The following XYLT1 variants were observed in gnomAD, a reference collection of about 807,000 sequenced individuals.
XYLT1 encodes the protein beta-D-xylosyltransferase 1.
In XYLT1, 36 loss-of-function variants were observed where a neutral mutation model predicts 91.3. The observed-to-expected ratio is 0.39, with a 90% CI of 0.30 to 0.52. The LOEUF (loss-of-function observed/expected upper bound fraction) is 0.52, where lower values mean the gene tolerates loss of function less well. Among genes scored for constraint, XYLT1 ranks in the 20% least tolerant of loss-of-function variants. XYLT1 has a pLI of 0.68. For synonymous variants in XYLT1, 588 were observed against 532.0 expected, an observed-to-expected ratio of 1.11 and a Z score of -1.45; for missense variants, 1,242 against 1,284.5, an observed-to-expected ratio of 0.97 and a Z score of 0.51.
intron 5 of XYLT1, among the ~76,000 whole-genome samples, chr16:17,189,206 G>A (rs749314151): frequency 6.6e-6 from 1 of 152,104 alleles, no homozygotes; most frequent in African/African-American, 2.4e-5. Flanking sequence ...AGGGAAAAAG[G>A]GAAGCTTGGA....
chr16:17,468,381 C>G (rs1387154122), intron 1 of XYLT1, among the ~76,000 whole-genome samples: 1 of 151,646 alleles, frequency 6.6e-6, no homozygotes, highest in Non-Finnish European at 1.5e-5. Flanking sequence ...AAAAAAAATA[C>G]ATAAATGTCC....
intron 1 of XYLT1, among the ~76,000 whole-genome samples, chr16:17,399,413 A>G (rs2035934891): frequency 2.0e-5 from 3 of 152,158 alleles, no homozygotes. Context: ...GGCCTCCAGC[A>G]CTGAGAGCAG....
chr16:17,421,288 G>C (rs1455766322), intron 1 of XYLT1, among the ~76,000 whole-genome samples: 2 of 152,298 alleles, frequency 1.3e-5, no homozygotes, highest in Middle Eastern at 3.4e-3. Flanking sequence ...CAATTAAGGA[G>C]TGACAGACTG....
chr16:17,290,683 T>C (rs2034209771), intron 2 of XYLT1, among the ~76,000 whole-genome samples: 1 of 152,192 alleles, frequency 6.6e-6, no homozygotes, highest in African/African-American at 2.4e-5. Flanking sequence ...AACATAATTA[T>C]CTCCATTATA....
chr16:17,159,890 C>A (rs1245895914), intron 5 of XYLT1, among the ~76,000 whole-genome samples: 1 of 152,232 alleles, frequency 6.6e-6, no homozygotes, highest in African/African-American at 2.4e-5. Flanking sequence ...GCTGAATAAA[C>A]CCAAACAGGT....
intron 3 of XYLT1, among the ~76,000 whole-genome samples, chr16:17,241,902 A>C (rs1596443655): frequency 6.6e-6 from 1 of 152,196 alleles, no homozygotes; most frequent in East Asian, 1.9e-4. Context: ...TTACAAAGAA[A>C]AAGAGGTTTA....
chr16:17,245,480 A>T (rs144894152), intron 3 of XYLT1, among the ~76,000 whole-genome samples: 2 of 152,310 alleles, frequency 1.3e-5, no homozygotes, highest in East Asian at 3.9e-4. Flanking sequence ...AAATTAGTTT[A>T]CTAATTTCGC....
chr16:17,336,366 T>C lies in XYLT1; in HGVS notation c.402+21646A>G, dbSNP rs1227518587. Among the ~76,000 whole-genome samples the C allele has an allele frequency of 6.6e-5, 10 of 152,140 alleles. No individual in the cohort carries two copies. In the East Asian group the frequency reaches 1.9e-3, roughly 29 times the overall value. On this transcript the variant is annotated intron_variant, in intron 2 of 11. Transcript: ENST00000261381. ...CTGATTCTGTTTTCTGTCAGGGAAA[T>C]AAAATATCCCATTTCCTCCATGATG...
intron 1 of XYLT1, among the ~76,000 whole-genome samples, chr16:17,428,661 A>C (rs2036348970): frequency 1.3e-5 from 2 of 152,226 alleles, no homozygotes; most frequent in Admixed American, 1.3e-4. Context: ...CTGTAGCCGC[A>C]GCCCACTCAC....
intron 8 of XYLT1, among the ~76,000 whole-genome samples, chr16:17,135,938 GC>G (rs2030701983): frequency 8.5e-5 from 13 of 152,194 alleles, no homozygotes; most frequent in Admixed American, 8.5e-4. Flanking sequence ...GCTGACTTTG[GC>G]CCCCAGGGCT....
chr16:17,135,563 C>CAA (rs112216252), intron 8 of XYLT1, among the ~76,000 whole-genome samples: 5,888 of 117,014 alleles, frequency 0.05, 256 homozygotes, highest in African/African-American at 0.12. Flanking sequence ...GAGTGTAGCT[C>CAA]AAAAAAAAAA....
rs1384937525 is a variant in XYLT1 at position 17,345,796 on chromosome 16, C to T, written c.402+12216G>A. On this transcript the variant is annotated intron_variant, in intron 2 of 11. Transcript: ENST00000261381. Reference sequence around the variant, plus strand: ...GTCTAGGAGGTGGCTACTGCTGTTACTTCAACCGTTTTTATTTATTATTAT... The same window carrying T: ...GTCTAGGAGGTGGCTACTGCTGTTATTTCAACCGTTTTTATTTATTATTAT... 4.0e-5 allele frequency among the ~76,000 whole-genome samples: 5 copies of T among 124,128 alleles called. No individual in the cohort carries two copies. In the East Asian group the frequency reaches 1.0e-3, roughly 25 times the overall value. The allele number at this position is 124,128 out of a possible 152,430, so 81.4% of individuals were successfully genotyped here.
chr16:17,208,087 A>G (rs1206783920), intron 3 of XYLT1, among the ~76,000 whole-genome samples: 2 of 152,004 alleles, frequency 1.3e-5, no homozygotes, highest in African/African-American at 2.4e-5. Flanking sequence ...TCTGGGCTCA[A>G]GGGATCCTCA....
intron 5 of XYLT1, among the ~76,000 whole-genome samples, chr16:17,169,999 C>T (rs1348888117): frequency 6.6e-6 from 1 of 152,196 alleles, no homozygotes; most frequent in Non-Finnish European, 1.5e-5. Flanking sequence ...CTCTCTGCTC[C>T]TTGCCACTTT....
chr16:17,226,161 T>A (rs534826366), intron 3 of XYLT1, among the ~76,000 whole-genome samples: 1 of 152,304 alleles, frequency 6.6e-6, no homozygotes, highest in East Asian at 1.9e-4. Context: ...TCTGGACCTA[T>A]GTCCCTATTC....
intron 7 of XYLT1, among the ~76,000 whole-genome samples, chr16:17,139,887 C>A (rs974482181): frequency 1.3e-5 from 2 of 152,190 alleles, no homozygotes; most frequent in Non-Finnish European, 2.9e-5. Context: ...GTGATGGGGG[C>A]AGTCAGCCCT....
intron 2 of XYLT1, among the ~76,000 whole-genome samples, chr16:17,269,957 G>A (rs772598862): frequency 1.6e-4 from 24 of 152,036 alleles, no homozygotes; most frequent in East Asian, 5.8e-4. Flanking sequence ...AATTACAGGC[G>A]TGTGCCACAA....
At chr16:17,232,665 G>A (rs1185863390) in intron 3 of XYLT1, among the ~76,000 whole-genome samples, 1 of 151,640 alleles carries the variant, frequency 6.6e-6, no homozygotes, top group East Asian at 1.9e-4. Context: ...GGGGATAACA[G>A]GATGGTGGTG....
chr16:17,344,640 T>C (rs1016260748), intron 2 of XYLT1, among the ~76,000 whole-genome samples: 4 of 151,706 alleles, frequency 2.6e-5, no homozygotes, highest in African/African-American at 9.7e-5. Flanking sequence ...GGCAAAAGAA[T>C]GGGGTTGATA....
Sources: gnomAD v4.1 joint callset for allele counts (sites outside exome capture counted in the v4.1 genomes callset) on GRCh38, gnomAD v4.1.1 for gene constraint, MANE v1.5 for transcripts, NCBI Gene and HGNC (gene_info 2026-07-23, HGNC 2026-07-21) for gene names.